Variants in RALGPS1 observed in about 807,000 individuals in gnomAD.
The protein encoded by RALGPS1 is Ral GEF with PH domain and SH3 binding motif 1.
Under a neutral mutation model 78.8 loss-of-function variants are expected in RALGPS1, and 19 were observed. The ratio of observed to expected loss-of-function variants is 0.24; its 90% CI spans 0.17 to 0.35. The LOEUF is 0.35. Ranked by LOEUF, RALGPS1 falls within the 10% of genes least tolerant of loss-of-function variation. The probability of loss-of-function intolerance (pLI) is 1.00; values close to 1 mark genes in which losing one functional copy is unlikely to be tolerated. For missense variants in RALGPS1, 454 were observed against 688.3 expected (o/e 0.66, Z 3.81); for synonymous variants, 228 against 256.3 (o/e 0.89, Z 1.06).
chr9:127,129,005 A>C (rs980532006), intron 8 of RALGPS1, among the ~76,000 whole-genome samples: 3 of 151,376 alleles, frequency 2.0e-5, no homozygotes, highest in African/African-American at 7.4e-5. Context: ...CGTGAGGACA[A>C]CACCTCTCCT....
At chr9:127,141,950 A>C (rs983251004) in intron 8 of RALGPS1, among the ~76,000 whole-genome samples, 14 of 152,208 alleles carry the variant, frequency 9.2e-5, no homozygotes, top group African/African-American at 2.7e-4. Flanking sequence ...TTCAATAATC[A>C]TGTTATTGAA....
rs1588414377 is a variant in RALGPS1, at chr9:126,915,423, T to G, written c.-66+448T>G. On this transcript the variant is annotated intron_variant, in intron 1 of 18. Transcript: ENST00000259351. The stretch of plus-strand genomic sequence containing the variant: ...GTGCGGGGGGCGGGGCCCGGGGACC[T>G]GCAGCGGTGGGGGGCGGGGCCCGGG... The G allele has an allele frequency of 3.6e-5, 3 of 82,334 alleles. No homozygotes were observed. The South Asian group carries it at 1.5e-3, about 41-fold the overall frequency. The allele number at this position is 82,334 out of a possible 1,614,324, so 5.1% of individuals were successfully genotyped here.
chr9:126,964,898 C>G (rs1201878616), intron 2 of RALGPS1, among the ~76,000 whole-genome samples: 1 of 152,174 alleles, frequency 6.6e-6, no homozygotes, highest in Non-Finnish European at 1.5e-5. Context: ...AAAGCATATT[C>G]TCTAAATCCC....
chr9:127,141,362 A>G (rs1198116848), intron 8 of RALGPS1, among the ~76,000 whole-genome samples: 1 of 152,122 alleles, frequency 6.6e-6, no homozygotes. Context: ...AAATATTTTA[A>G]GTTTTAAATG....
At chr9:126,921,077 G>T (rs1392619729) in intron 1 of RALGPS1, among the ~76,000 whole-genome samples, 1 of 152,236 alleles carries the variant, frequency 6.6e-6, no homozygotes, top group Non-Finnish European at 1.5e-5. Context: ...CTGCTGGGAA[G>T]CTAATGCTTA....
At chr9:127,007,701 A>G (rs1288603107) in intron 4 of RALGPS1, among the ~76,000 whole-genome samples, 1 of 152,186 alleles carries the variant, frequency 6.6e-6, no homozygotes, top group Non-Finnish European at 1.5e-5. Context: ...GAAAGAACAC[A>G]TTTCAGCATG....
intron 5 of RALGPS1, among the ~76,000 whole-genome samples, chr9:127,042,974 G>A (rs547770750): frequency 2.0e-4 from 31 of 151,964 alleles, no homozygotes; most frequent in African/African-American, 5.3e-4. Context: ...ATATGTACAG[G>A]TTCTGTTAAT....
chr9:127,178,616 A>G (rs2060024676), intron 11 of RALGPS1: 1 of 439,726 alleles, frequency 2.3e-6, no homozygotes, highest in African/African-American at 2.2e-5. Flanking sequence ...CCCACCCCCA[A>G]TCAGGTCAGG....
rs769440589 is a variant in RALGPS1, at chr9:127,203,021, C to A, written c.1247+3955C>A. The stretch of plus-strand genomic sequence containing the variant: ...ACCAACAGGGAAGGGAGCGTTTAGT[C>A]AGGAGCAGCAGTAATGGATAACAGA... On this transcript the variant is annotated intron_variant, in intron 14 of 18. Transcript: ENST00000259351. Among the ~76,000 whole-genome samples, 39 of 152,194 alleles carry A rather than the reference C, an allele frequency of 2.6e-4. 1 individual carries two copies. Among genetic ancestry groups the A allele is most frequent in the Non-Finnish European group, 7.3e-5 (5 of 68,030 alleles).
At chr9:126,928,464 A>G (rs1281024414) in intron 1 of RALGPS1, among the ~76,000 whole-genome samples, 1 of 152,210 alleles carries the variant, frequency 6.6e-6, no homozygotes, top group Non-Finnish European at 1.5e-5. Flanking sequence ...GGATGATGAG[A>G]TATGTGTACC....
chr9:126,977,798 G>A, intron 4 of RALGPS1, 53 bp downstream of exon 4: 1 of 1,322,316 alleles, frequency 7.6e-7, no homozygotes, highest in African/African-American at 1.5e-5. Context: ...GGGCAGCGAG[G>A]ATTTAGCCAG....
intron 4 of RALGPS1, among the ~76,000 whole-genome samples, chr9:126,986,621 G>A (rs138543834): frequency 3.0e-4 from 45 of 152,348 alleles, no homozygotes; most frequent in African/African-American, 1.1e-3. Context: ...CTCAGAGGCT[G>A]GTCTAAATGT....
intron 1 of RALGPS1, among the ~76,000 whole-genome samples, chr9:126,928,737 G>C (rs1164671429): frequency 6.6e-6 from 1 of 152,042 alleles, no homozygotes; most frequent in Non-Finnish European, 1.5e-5. Flanking sequence ...AAGTAGCTGG[G>C]TTTACAGGTG....
At chr9:126,992,630 C>T (rs1239849140) in intron 4 of RALGPS1, among the ~76,000 whole-genome samples, 1 of 152,196 alleles carries the variant, frequency 6.6e-6, no homozygotes, top group Non-Finnish European at 1.5e-5. Context: ...AATGATATTG[C>T]ATCACCTGAA....
chr9:127,067,244 C>G (rs541007064), intron 7 of RALGPS1, among the ~76,000 whole-genome samples: 2 of 152,336 alleles, frequency 1.3e-5, no homozygotes, highest in South Asian at 2.1e-4. Flanking sequence ...TCCTGAGCAT[C>G]TGTGTAGCAT....
At chr9:127,013,161 A>C (rs1223284874) in intron 4 of RALGPS1, among the ~76,000 whole-genome samples, 3 of 152,196 alleles carry the variant, frequency 2.0e-5, no homozygotes, top group Non-Finnish European at 4.4e-5. Flanking sequence ...TTGGGAAGAA[A>C]GTGGCCATGT....
intron 8 of RALGPS1, chr9:127,089,125 G>C: frequency 6.2e-7 from 1 of 1,614,246 alleles, no homozygotes; most frequent in Non-Finnish European, 8.5e-7. Context: ...CCTTCTGGTA[G>C]TGGGCACAGT....
intron 18 of RALGPS1, among the ~76,000 whole-genome samples, chr9:127,216,443 C>A (rs191574670): frequency 1.0e-3 from 158 of 152,288 alleles, no homozygotes; most frequent in Non-Finnish European, 1.9e-3. Flanking sequence ...ATGTTCACTG[C>A]AGCATTGTTC....
intron 5 of RALGPS1, among the ~76,000 whole-genome samples, chr9:127,043,400 C>G (rs1393913836): frequency 7.3e-6 from 1 of 136,652 alleles, no homozygotes; most frequent in Admixed American, 7.3e-5. Context: ...TGTGTATATG[C>G]AAAAAAAAAA....
Sources: allele counts gnomAD v4.1 joint callset (sites outside exome capture counted in the v4.1 genomes callset), GRCh38; gene constraint gnomAD v4.1.1; transcripts MANE v1.5; gene names NCBI Gene and HGNC (gene_info 2026-07-23, HGNC 2026-07-21).